The following SESN1 variants were observed in gnomAD, a reference collection of about 807,000 sequenced individuals.
SESN1 encodes the protein sestrin-1.
In SESN1, 30 loss-of-function variants were observed where a neutral mutation model predicts 59.3. The observed-to-expected ratio is 0.51, with a 90% confidence interval of 0.38 to 0.69. The LOEUF is 0.69. SESN1 is among the 30% of genes least tolerant of loss of function. The pLI, the probability that SESN1 is intolerant of heterozygous loss-of-function variation, is 0.00. For missense variants in SESN1, 566 were observed against 673.0 expected (o/e 0.84, Z 1.76); for synonymous variants, 197 against 219.9 (o/e 0.90, Z 0.92).
intron 1 of SESN1, among the ~76,000 whole-genome samples, chr6:109,037,893 A>G (rs1184684437): frequency 1.3e-5 from 2 of 151,768 alleles, no homozygotes; most frequent in Non-Finnish European, 2.9e-5. Context: ...TTGATGTTCA[A>G]CGATGCCTAT....
At chr6:109,004,553 C>G (rs1361118655) in intron 1 of SESN1, among the ~76,000 whole-genome samples, 2 of 151,768 alleles carry the variant, frequency 1.3e-5, no homozygotes, top group Non-Finnish European at 2.9e-5. Context: ...TCTCCTGTCT[C>G]CCGAGTAGCT....
chr6:109,087,447 A>G (rs1346151078), intron 1 of SESN1, among the ~76,000 whole-genome samples: 1 of 152,212 alleles, frequency 6.6e-6, no homozygotes, highest in Non-Finnish European at 1.5e-5. Flanking sequence ...CCTCAAAAGC[A>G]AGGAAGGAAA....
At chr6:109,054,347 G>A (rs535459258) in intron 1 of SESN1, among the ~76,000 whole-genome samples, 2 of 152,070 alleles carry the variant, frequency 1.3e-5, no homozygotes, top group Non-Finnish European at 2.9e-5. Flanking sequence ...TTTAACAGAA[G>A]AGAATGATAC....
At chr6:109,024,977 C>T (rs1421499643) in intron 1 of SESN1, among the ~76,000 whole-genome samples, 1 of 152,062 alleles carries the variant, frequency 6.6e-6, no homozygotes, top group Non-Finnish European at 1.5e-5. Context: ...CAAAACCCAC[C>T]GACAGGAGGA....
chr6:109,037,099 T>C (rs567343553), intron 1 of SESN1, among the ~76,000 whole-genome samples: 2 of 152,284 alleles, frequency 1.3e-5, no homozygotes, highest in African/African-American at 2.4e-5. Context: ...GAAAACTTTC[T>C]AAGTAGTAAA....
rs148904337 is a variant in SESN1, at chr6:109,056,671, T to A, written c.279+37124A>T. ...AGCTATGTTACACAGTTATCACCAA[T>A]GAGATACAAACAGAAGTCTGCTAGC... On this transcript the variant is annotated intron_variant, in intron 1 of 9. Coordinates refer to ENST00000436639, the MANE Select transcript of SESN1 (RefSeq NM_014454.3). 1.1e-3 allele frequency among the ~76,000 whole-genome samples: 160 copies of A among 152,262 alleles called. 1 individual carries two copies. Among genetic ancestry groups the A allele is most frequent in the African/African-American group, 3.5e-3 (145 of 41,548 alleles).
chr6:109,038,909 GGAA>G (rs1397867539), intron 1 of SESN1, among the ~76,000 whole-genome samples: 1 of 143,166 alleles, frequency 7.0e-6, no homozygotes, highest in Non-Finnish European at 1.5e-5. Context: ...GGAGAAAAAA[GGAA>G]GGAGGAGGAG....
chr6:109,083,671 G>T (rs1781161619), intron 1 of SESN1, among the ~76,000 whole-genome samples: 1 of 152,190 alleles, frequency 6.6e-6, no homozygotes, highest in Non-Finnish European at 1.5e-5. Flanking sequence ...CACTATCAAT[G>T]ACTTTGAGAG....
At chr6:109,092,264 A>G (rs1458082187) in intron 1 of SESN1, among the ~76,000 whole-genome samples, 1 of 152,212 alleles carries the variant, frequency 6.6e-6, no homozygotes, top group Non-Finnish European at 1.5e-5. Flanking sequence ...CCCATTTTAC[A>G]GATGTGGAAA....
In SESN1 at chr6:109,090,184, G is replaced by A. The variant is rs114655491; in HGVS notation, c.279+3611C>T. ...CAACATTGTGAGGCAGGAACCATAA[G>A]CATAATGCTCATTTTGCAGATGAGG... On this transcript the variant is annotated intron_variant, in intron 1 of 9. Coordinates refer to ENST00000436639, the MANE Select transcript of SESN1 (RefSeq NM_014454.3). Among the ~76,000 whole-genome samples, 661 of 152,304 alleles carry A rather than the reference G, an allele frequency of 4.3e-3. 2 individuals are homozygous for A. Among genetic ancestry groups the A allele is most frequent in the Non-Finnish European group, 7.6e-3 (516 of 68,018 alleles).
intron 7 of SESN1, 30 bp downstream of exon 7, chr6:108,992,757 C>G: frequency 1.5e-6 from 2 of 1,322,960 alleles, no homozygotes; most frequent in South Asian, 1.2e-5. Context: ...TATTTCTAGT[C>G]AATCATGTGC....
At chr6:109,058,132 T>C (rs1043196098) in intron 1 of SESN1, among the ~76,000 whole-genome samples, 1 of 152,140 alleles carries the variant, frequency 6.6e-6, no homozygotes, top group African/African-American at 2.4e-5. Context: ...TTGCCTAGGC[T>C]GGAGTGGAGT....
intron 1 of SESN1, among the ~76,000 whole-genome samples, chr6:109,011,632 C>CTT (rs1208292681): frequency 2.9e-5 from 4 of 138,664 alleles, no homozygotes; most frequent in Admixed American, 7.2e-5. Flanking sequence ...AATTTTTTTT[C>CTT]TTTTTTTTTT....
intron 9 of SESN1, 134 bp from the exon 10 acceptor site, chr6:108,987,764 G>T: frequency 2.1e-6 from 1 of 468,944 alleles, no homozygotes; most frequent in Non-Finnish European, 3.8e-6. Flanking sequence ...CTTAGCCTTG[G>T]GTTTGTTGAA....
chr6:109,078,393 A>AAATAT (rs772951602), intron 1 of SESN1, among the ~76,000 whole-genome samples: 4 of 152,052 alleles, frequency 2.6e-5, no homozygotes, highest in African/African-American at 4.8e-5. Flanking sequence ...AAATAAAATA[A>AAATAT]AATATAAATA....
chr6:109,000,249 T>C (rs1487398683), intron 4 of SESN1: 3 of 320,564 alleles, frequency 9.4e-6, no homozygotes, highest in Admixed American at 4.9e-5. Context: ...TGTCAAAATG[T>C]GTAGAACGAT....
chr6:108,984,363 G>A lies in SESN1; in HGVS notation c.*3181C>T, dbSNP rs898106659. 1.3e-5 allele frequency among the ~76,000 whole-genome samples: 2 copies of A among 152,146 alleles called. No individual in the cohort carries two copies. Among genetic ancestry groups the A allele is most frequent in the Non-Finnish European group, 1.5e-5 (1 of 68,020 alleles). On this transcript the variant is annotated 3_prime_UTR_variant, in exon 10 of 10. Transcript: ENST00000436639. Reference sequence around the variant, plus strand: ...CACAGTTTTGGAGGCTGGGAAGTCCGATATCAAGGATTTAGTGCCTAGTGA... The same window carrying A: ...CACAGTTTTGGAGGCTGGGAAGTCCAATATCAAGGATTTAGTGCCTAGTGA...
At chr6:108,994,671 T>G in intron 5 of SESN1, 62 bp from the exon 6 acceptor site, 1 of 1,320,714 alleles carries the variant, frequency 7.6e-7, no homozygotes, top group Non-Finnish European at 1.0e-6. Flanking sequence ...GAATTATCTT[T>G]TAAGTCTGTC....
chr6:108,989,292 C>CG (rs1448452495), intron 8 of SESN1, among the ~76,000 whole-genome samples: 2 of 152,082 alleles, frequency 1.3e-5, no homozygotes, highest in Non-Finnish European at 2.9e-5. Flanking sequence ...CGTGAGCCAC[C>CG]GCGCCTGGCT....
Sources: gnomAD v4.1 joint callset for allele counts (sites outside exome capture counted in the v4.1 genomes callset) on GRCh38, gnomAD v4.1.1 for gene constraint, MANE v1.5 for transcripts, NCBI Gene and HGNC (gene_info 2026-07-23, HGNC 2026-07-21) for gene names.